Variants in LIMS2 observed in about 807,000 individuals in gnomAD.
LIMS2 encodes the protein LIM and senescent cell antigen-like-containing domain protein 2.
LIMS2 carries 30 observed loss-of-function variants against 45.3 expected under a neutral mutation model. The observed-to-expected ratio is 0.66, with a 90% CI of 0.50 to 0.90. LIMS2 has a LOEUF of 0.90. Ranked by LOEUF, LIMS2 falls within the 40% of genes least tolerant of loss-of-function variation. The pLI is 0.00. For synonymous variants in LIMS2, 173 were observed against 188.0 expected, an observed-to-expected ratio of 0.92 and a Z score of 0.65; for missense variants, 485 against 468.7, an observed-to-expected ratio of 1.03 and a Z score of -0.32.
chr2:127,643,431 A>G (rs932225682), intron 4 of LIMS2: 8 of 460,602 alleles, frequency 1.7e-5, no homozygotes, highest in Non-Finnish European at 3.0e-5. Context: ...AACACACACG[A>G]GTTATAATGA....
chr2:127,679,371 C>G (rs184387885), upstream of LIMS2, among the ~76,000 whole-genome samples: 1 of 152,232 alleles, frequency 6.6e-6, no homozygotes, highest in East Asian at 1.9e-4. The surrounding 1 kb of genome is among the most constrained non-coding windows in gnomAD (Gnocchi z 5.3). Flanking sequence ...AGTGTCCATT[C>G]CCAGGTCTTA....
chr2:127,663,671 G>C (rs73954691), intron 1 of LIMS2, among the ~76,000 whole-genome samples: 7,073 of 123,252 alleles, frequency 0.057, 345 homozygotes, highest in African/African-American at 0.14. Context: ...CTCCTCCCCA[G>C]GGTCCCTATC....
Position 127,653,664 on chromosome 2 carries a change from AG to A in LIMS2, c.359+759del, listed in dbSNP as rs1178350971. Among the ~76,000 whole-genome samples, 1 of 151,950 alleles carries A rather than the reference AG, an allele frequency of 6.6e-6. No homozygotes were observed. Among genetic ancestry groups the A allele is most frequent in the African/African-American group, 2.4e-5 (1 of 41,346 alleles). On this transcript the variant is annotated intron_variant, in intron 4 of 9. Transcript: ENST00000355119. The surrounding 1 kb of genome is among the most constrained non-coding windows in gnomAD (Gnocchi z 5.3). Reference sequence around the variant, plus strand: ...GGAACTCAGGGTCCCGGGTGCCAGAAGGGGGGCGTTTCTGCACCTCAGCAGC... The same window carrying A: ...GGAACTCAGGGTCCCGGGTGCCAGAAGGGGGCGTTTCTGCACCTCAGCAGC...
upstream of LIMS2, among the ~76,000 whole-genome samples, chr2:127,680,321 T>G (rs1685589681): frequency 6.6e-6 from 1 of 152,220 alleles, no homozygotes; most frequent in African/African-American, 2.4e-5. Flanking sequence ...GGCACGATGG[T>G]GCATGCCTGT....
In LIMS2 at chr2:127,664,212, A is replaced by G. The variant is rs899133498; in HGVS notation, c.12-6650T>C. ...GCCGGGGCAGAGCCCACGGCGTCGGAGGGCCCCGGTCGGGTTTCCGAGGGA... is the reference window on the plus strand; with the variant it reads ...GCCGGGGCAGAGCCCACGGCGTCGGGGGGCCCCGGTCGGGTTTCCGAGGGA... On this transcript the variant is annotated intron_variant, in intron 1 of 9. Coordinates refer to ENST00000355119, the MANE Select transcript of LIMS2 (RefSeq NM_001161403.3). The surrounding 1 kb of genome is among the most constrained non-coding windows in gnomAD (Gnocchi z 5.5). The G allele has an allele frequency of 1.9e-6, 2 of 1,058,782 alleles. No individual in the cohort carries two copies. Among genetic ancestry groups the G allele is most frequent in the Non-Finnish European group, 2.4e-6 (2 of 844,862 alleles). The allele number at this position is 1,058,782 out of a possible 1,614,324, so 65.6% of individuals were successfully genotyped here. A position where few individuals can be genotyped will look rare whatever the true frequency, so the allele number is the denominator to read the frequency against.
At position 127,657,584 on chromosome 2, in the gene LIMS2, A is replaced by T. The variant is rs547966274; in HGVS notation, c.12-22T>A. Reference sequence around the variant, plus strand: ...ATTGCTGGGGGCAGGAGACAGGAGGAGTGAGTCAGAGCTGGTCAGGGGTGC... The same window carrying T: ...ATTGCTGGGGGCAGGAGACAGGAGGTGTGAGTCAGAGCTGGTCAGGGGTGC... On this transcript the variant is annotated intron_variant, in intron 1 of 9. Coordinates refer to ENST00000355119, the MANE Select transcript of LIMS2 (RefSeq NM_001161403.3). 174 of 1,580,800 alleles carry T rather than the reference A, an allele frequency of 1.1e-4. No homozygotes were observed. In the East Asian group the frequency reaches 3.9e-3, roughly 35 times the overall value.
chr2:127,646,433 C>T (rs1322143412), intron 4 of LIMS2: 1 of 152,384 alleles, frequency 6.6e-6, no homozygotes, highest in East Asian at 1.9e-4. Context: ...GGTGTTTCGT[C>T]CCTCTGATGG....
At chr2:127,660,826 G>A (rs934756905) in intron 1 of LIMS2, among the ~76,000 whole-genome samples, 6 of 151,646 alleles carry the variant, frequency 4.0e-5, no homozygotes, top group Admixed American at 1.3e-4. Context: ...AGACCTGATA[G>A]CCAGTCTGTA....
At chr2:127,646,941 C>T (rs1683054007) in intron 4 of LIMS2, among the ~76,000 whole-genome samples, 1 of 152,224 alleles carries the variant, frequency 6.6e-6, no homozygotes, top group African/African-American at 2.4e-5. Flanking sequence ...GAAACCTCAG[C>T]AAACCTGAAA....
chr2:127,680,149 G>C (rs964228964), upstream of LIMS2, among the ~76,000 whole-genome samples: 2 of 152,268 alleles, frequency 1.3e-5, no homozygotes, highest in Admixed American at 6.5e-5. Context: ...AGAACCCCCC[G>C]GGGGGGAGCG....
intron 4 of LIMS2, chr2:127,644,061 C>T (rs748774219): frequency 2.2e-6 from 1 of 456,510 alleles, no homozygotes. Context: ...CTCCCTGGAC[C>T]CCAGGACCTG....
At chr2:127,649,204 G>GAAGGAAGGAAGA (rs1277533187) in intron 4 of LIMS2, among the ~76,000 whole-genome samples, 5 of 151,926 alleles carry the variant, frequency 3.3e-5, no homozygotes, top group African/African-American at 1.2e-4. Flanking sequence ...AGGAAGGAAG[G>GAAGGAAGGAAGA]AAGGAAGGGC....
rs6714357 is a variant in LIMS2 at position 127,647,884 on chromosome 2, G to A, written c.360-4812C>T. On this transcript the variant is annotated intron_variant, in intron 4 of 9. Transcript: ENST00000355119. The surrounding 1 kb of genome is among the most constrained non-coding windows in gnomAD (Gnocchi z 4.3). Reference sequence around the variant, plus strand: ...CCCCCTCCCCTGCCACCGTCCCACCGGTACCTGCTCCCTGTTCTCCCCTGC... The same window carrying A: ...CCCCCTCCCCTGCCACCGTCCCACCAGTACCTGCTCCCTGTTCTCCCCTGC... Among the ~76,000 whole-genome samples, 6 of 151,950 alleles carry A rather than the reference G, an allele frequency of 3.9e-5. No individual in the cohort carries two copies. Among genetic ancestry groups the A allele is most frequent in the Non-Finnish European group, 5.9e-5 (4 of 67,986 alleles).
intron 1 of LIMS2, among the ~76,000 whole-genome samples, chr2:127,662,570 A>C (rs1276486568): frequency 6.9e-6 from 1 of 144,026 alleles, no homozygotes; most frequent in Non-Finnish European, 1.5e-5. Flanking sequence ...GTAGGTGGGA[A>C]TTGAACATTG....
chr2:127,640,602 C>T (rs966449449), intron 7 of LIMS2: 3 of 598,822 alleles, frequency 5.0e-6, no homozygotes, highest in Admixed American at 5.9e-5. Flanking sequence ...ATCCCACCAG[C>T]GCCCCCTGCC....
At chr2:127,649,850 A>G in intron 4 of LIMS2, 1 of 639,194 alleles carries the variant, frequency 1.6e-6, no homozygotes, top group Non-Finnish European at 2.7e-6. Flanking sequence ...CGTCCTCAAC[A>G]GCGCTGGCCA....
intron 2 of LIMS2, chr2:127,655,202 G>A (rs1684174961): frequency 4.0e-6 from 2 of 505,646 alleles, no homozygotes; most frequent in Admixed American, 6.5e-5. Context: ...CTGGGGGCGA[G>A]GCGGTTTTAA....
At position 127,657,403 on chromosome 2, in the gene LIMS2, C is replaced by T. The variant is rs1214720378; in HGVS notation, c.171G>A (p.Glu57=). 42 of 1,613,802 alleles carry T rather than the reference C, an allele frequency of 2.6e-5. No individual in the cohort carries two copies. Among genetic ancestry groups the T allele is most frequent in the Non-Finnish European group, 3.3e-5 (39 of 1,179,998 alleles). Residue 57 remains glutamate, a splice_region_variant and synonymous_variant, in exon 2 of 10, where the codon GAG becomes GAA. Coordinates refer to ENST00000355119, the MANE Select transcript of LIMS2 (RefSeq NM_001161403.3). ...AGAAAGCCCTCAGTAGTGTCCTCAC[C>T]TCATAGAAGAGCCCCTCGGGGAAGG... The part of the protein sequence containing the change: ...FRPFPEGLFY[E]FEGRKYCEHD...
In LIMS2 at chr2:127,642,599, C is replaced by T. The variant is rs1293978530; in HGVS notation, c.509+324G>A. 1.2e-5 allele frequency: 5 copies of T among 404,090 alleles called. No individual in the cohort carries two copies. Among genetic ancestry groups the T allele is most frequent in the Non-Finnish European group, 2.2e-5 (5 of 222,690 alleles). 25.0% of individuals were successfully genotyped at this position (404,090 alleles called of 1,614,324 possible). A position where few individuals can be genotyped will look rare whatever the true frequency, so the allele number is the denominator to read the frequency against. On this transcript the variant is annotated intron_variant, in intron 5 of 9. Coordinates refer to ENST00000355119, the MANE Select transcript of LIMS2 (RefSeq NM_001161403.3). The surrounding 1 kb of genome is among the most constrained non-coding windows in gnomAD (Gnocchi z 5.3). Reference sequence around the variant, plus strand: ...CTCCAACACCAGCACCAAGCCCACTCCCGGTCTCTTGCCCTGCCCCCTCAG... The same window carrying T: ...CTCCAACACCAGCACCAAGCCCACTTCCGGTCTCTTGCCCTGCCCCCTCAG...
Sources: gnomAD v4.1 joint callset for allele counts (sites outside exome capture counted in the v4.1 genomes callset) on GRCh38, gnomAD v4.1.1 for gene constraint, Gnocchi (gnomAD v3.1) non-coding constraint, MANE v1.5 for transcripts, NCBI Gene and HGNC (gene_info 2026-07-23, HGNC 2026-07-21) for gene names.